The following PHLPP2 variants were observed in gnomAD, a reference collection of about 807,000 sequenced individuals.
PHLPP2 encodes the protein PH domain leucine-rich repeat-containing protein phosphatase 2.
PHLPP2 carries 66 observed loss-of-function variants against 124.9 expected under a neutral mutation model. The ratio of observed to expected loss-of-function variants is 0.53; its 90% CI spans 0.43 to 0.65. The LOEUF (loss-of-function observed/expected upper bound fraction) is 0.65, where lower values mean the gene tolerates loss of function less well. Among genes scored for constraint, PHLPP2 ranks in the 30% least tolerant of loss-of-function variants. The pLI is 0.00. For missense variants in PHLPP2, 1,685 were observed against 1,600.4 expected, an observed-to-expected ratio of 1.05 and a Z score of -0.90; for synonymous variants, 681 against 624.7, an observed-to-expected ratio of 1.09 and a Z score of -1.34.
intron 17 of PHLPP2, 58 bp from the exon 18 acceptor site, chr16:71,653,079 G>A (rs2145304987): frequency 9.4e-7 from 1 of 1,060,942 alleles, no homozygotes; most frequent in East Asian, 2.4e-5. Flanking sequence ...GAAAGTGGTG[G>A]TCCTGCACGT....
chr16:71,695,127 C>G (rs1428906711), intron 3 of PHLPP2, among the ~76,000 whole-genome samples: 2 of 151,930 alleles, frequency 1.3e-5, no homozygotes, highest in African/African-American at 2.4e-5. Context: ...TATTTTAAAG[C>G]CTAATAATAT....
chr16:71,718,172 C>A (rs2045375526), intron 1 of PHLPP2, among the ~76,000 whole-genome samples: 1 of 152,152 alleles, frequency 6.6e-6, no homozygotes, highest in Non-Finnish European at 1.5e-5. Flanking sequence ...GGATTACAAG[C>A]ATGAGCCACC....
At chr16:71,655,494 G>T in intron 16 of PHLPP2, 60 bp from the exon 17 acceptor site, 2 of 1,289,964 alleles carry the variant, frequency 1.6e-6, no homozygotes, top group South Asian at 2.7e-5. Context: ...TTATTCTCCA[G>T]GGAGCATTCT....
chr16:71,700,757 C>T (rs2045224825), intron 3 of PHLPP2, among the ~76,000 whole-genome samples: 1 of 152,060 alleles, frequency 6.6e-6, no homozygotes, highest in Admixed American at 6.5e-5. Context: ...AATCTCCTGA[C>T]CTTGTGATCT....
At chr16:71,685,747 T>C (rs190126211) in intron 4 of PHLPP2, among the ~76,000 whole-genome samples, 61 of 152,296 alleles carry the variant, frequency 4.0e-4, no homozygotes, top group Admixed American at 2.0e-3. Context: ...ATGCTTGACA[T>C]TGAAAAGTAC....
Position 71,646,568 on chromosome 16 carries a change from A to G in PHLPP2, c.*2322T>C, listed in dbSNP as rs533276211. 5 of 152,354 alleles carry G rather than the reference A, an allele frequency of 3.3e-5. No homozygotes were observed. In the East Asian group the frequency reaches 7.7e-4, roughly 23 times the overall value. 9.4% of individuals were successfully genotyped at this position (152,354 alleles called of 1,614,324 possible). A position where few individuals can be genotyped will look rare whatever the true frequency, so the allele number is the denominator to read the frequency against. Reference sequence around the variant, plus strand: ...ATAATTTTTATAAGACTATACTATTAAAGTGGTGTATTCCCAAAATAACTT... The same window carrying G: ...ATAATTTTTATAAGACTATACTATTGAAGTGGTGTATTCCCAAAATAACTT... On this transcript the variant is annotated 3_prime_UTR_variant, in exon 19 of 19. Transcript: ENST00000568954.
At chr16:71,714,937 T>C in intron 1 of PHLPP2, 136 bp from the exon 2 acceptor site, 1 of 1,030,794 alleles carries the variant, frequency 9.7e-7, no homozygotes, top group Non-Finnish European at 1.4e-6. Flanking sequence ...GTGGAGCACT[T>C]CACATCTATC....
In PHLPP2 at chr16:71,684,585, C is replaced by G; in HGVS notation, c.626G>C (p.Arg209Pro). ...GCTGAAAGCAAGGGAGTATTGCCGT[C>G]GCTTCACTTCTTCTATCTGAAGAAG... ...LVGGKIEEVK[R>P]RQYSLAFSSA... The change falls in exon 5 of 19, where the codon CGA (arginine) becomes CCA (proline). Residue 209 changes from arginine to proline, a missense_variant. Coordinates refer to ENST00000568954, the MANE Select transcript of PHLPP2 (RefSeq NM_015020.3). 1 of 1,612,748 alleles carries G rather than the reference C, an allele frequency of 6.2e-7. No homozygotes were observed. The highest frequency in any genetic ancestry group is 8.5e-7 in the Non-Finnish European group (1 of 1,179,308).
At chr16:71,696,386 T>C (rs889274864) in intron 3 of PHLPP2, among the ~76,000 whole-genome samples, 11 of 152,114 alleles carry the variant, frequency 7.2e-5, no homozygotes. Flanking sequence ...CCTGCAATCC[T>C]AGCACTTCAG....
At chr16:71,692,354 C>A (rs1354500204) in intron 3 of PHLPP2, among the ~76,000 whole-genome samples, 1 of 152,146 alleles carries the variant, frequency 6.6e-6, no homozygotes, top group Non-Finnish European at 1.5e-5. Flanking sequence ...CAAGTGTGAG[C>A]CACCGCACCT....
intron 3 of PHLPP2, among the ~76,000 whole-genome samples, chr16:71,702,230 GATA>G (rs1298940753): frequency 6.6e-6 from 1 of 152,098 alleles, no homozygotes; most frequent in East Asian, 1.9e-4. Flanking sequence ...AGTCATATAT[GATA>G]ATGATTACTT....
intron 2 of PHLPP2, among the ~76,000 whole-genome samples, chr16:71,707,092 C>T (rs2045280332): frequency 6.6e-6 from 1 of 151,034 alleles, no homozygotes; most frequent in Non-Finnish European, 1.5e-5. Context: ...GTAGCTGGGA[C>T]TACAGGCGCC....
chr16:71,699,981 T>G (rs984519835), intron 3 of PHLPP2, among the ~76,000 whole-genome samples: 6 of 152,166 alleles, frequency 3.9e-5, no homozygotes, highest in Non-Finnish European at 8.8e-5. Context: ...AGCTAGCCAG[T>G]TCACGCACTC....
At chr16:71,697,212 AAAT>A (rs34791580) in intron 3 of PHLPP2, among the ~76,000 whole-genome samples, 72,769 of 127,178 alleles carry the variant, frequency 0.57, 19,238 homozygotes, top group East Asian at 0.8. Flanking sequence ...ATAAATAAAT[AAAT>A]AAAAAGAAAC....
At chr16:71,666,409 AG>A (rs1173307704) in intron 12 of PHLPP2, among the ~76,000 whole-genome samples, 1 of 152,200 alleles carries the variant, frequency 6.6e-6, no homozygotes, top group Non-Finnish European at 1.5e-5. Flanking sequence ...ACTACTTAGT[AG>A]GCTGAGGAGG....
At chr16:71,705,215 G>C (rs2045265167) in intron 2 of PHLPP2, among the ~76,000 whole-genome samples, 1 of 152,120 alleles carries the variant, frequency 6.6e-6, no homozygotes, top group African/African-American at 2.4e-5. Context: ...CAGAAATCAA[G>C]GGTCTATGAG....
At chr16:71,699,200 G>A (rs966485656) in intron 3 of PHLPP2, among the ~76,000 whole-genome samples, 1 of 152,158 alleles carries the variant, frequency 6.6e-6, no homozygotes, top group Non-Finnish European at 1.5e-5. Flanking sequence ...GGCAGACAGG[G>A]ACAGGTGCCC....
chr16:71,649,986 T>C lies in PHLPP2; in HGVS notation c.2876A>G (p.Tyr959Cys). Residue 959 changes from tyrosine to cysteine, a missense_variant, in exon 19 of 19, where the codon TAC becomes TGC. Physicochemically the swap from Tyr to Cys is radical, Grantham distance 194 (BLOSUM62 -2). Transcript: ENST00000568954. ...CTRMLGCTYL[Y>C]PWILPKPHIS... Reference sequence around the variant, plus strand: ...GTGGGGCTTGGGGAGGATCCAAGGGTAGAGGTATGTACAGCCCAGCATCCG... The same window carrying C: ...GTGGGGCTTGGGGAGGATCCAAGGGCAGAGGTATGTACAGCCCAGCATCCG... 1 of 1,613,378 alleles carries C rather than the reference T, an allele frequency of 6.2e-7. No homozygotes were observed.
intron 3 of PHLPP2, 30 bp downstream of exon 3, chr16:71,702,565 AGTT>A: frequency 1.3e-6 from 2 of 1,575,022 alleles, no homozygotes; most frequent in South Asian, 2.3e-5. Context: ...ACCTAAAAGT[AGTT>A]AACATACAAA....
Sources: allele counts gnomAD v4.1 joint callset (sites outside exome capture counted in the v4.1 genomes callset), GRCh38; gene constraint gnomAD v4.1.1; transcripts MANE v1.5; gene names NCBI Gene and HGNC (gene_info 2026-07-23, HGNC 2026-07-21).